The following TMEM184C variants were observed in gnomAD, a reference collection of about 807,000 sequenced individuals.
The protein encoded by TMEM184C is transmembrane protein 184C, also known as transmembrane protein 34.
In TMEM184C, 25 loss-of-function variants were observed where a neutral mutation model predicts 54.5. The ratio of observed to expected loss-of-function variants is 0.46; its 90% CI spans 0.33 to 0.64. The LOEUF (loss-of-function observed/expected upper bound fraction) is 0.64. Among genes scored for constraint, TMEM184C ranks in the 30% least tolerant of loss-of-function variants. The pLI is 0.02. For synonymous variants in TMEM184C, 148 were observed against 181.5 expected (o/e 0.82, Z 1.49); for missense variants, 335 against 520.3 (o/e 0.64, Z 3.46).
In TMEM184C at chr4:147,635,542, A is replaced by G. The variant is rs1733009268; in HGVS notation, c.*1108A>G. On this transcript the variant is annotated 3_prime_UTR_variant, in exon 10 of 10. Coordinates refer to ENST00000296582, the MANE Select transcript of TMEM184C (RefSeq NM_018241.3). Reference sequence around the variant, plus strand: ...ATGAAAATAAAACAGAAAGTGCCATAGTATGTTACAGAAAGCAAAGATGAG... The same window carrying G: ...ATGAAAATAAAACAGAAAGTGCCATGGTATGTTACAGAAAGCAAAGATGAG... 1 of 152,244 alleles carries G rather than the reference A, an allele frequency of 6.6e-6. No individual in the cohort carries two copies. The highest frequency in any genetic ancestry group is 1.5e-5 in the Non-Finnish European group (1 of 68,040). 9.4% of individuals were successfully genotyped at this position (152,244 alleles called of 1,614,324 possible). A position where few individuals can be genotyped will look rare whatever the true frequency, so the allele number is the denominator to read the frequency against.
chr4:147,634,055 C>T (rs989773777), intron 9 of TMEM184C, 114 bp from the exon 10 acceptor site: 55 of 1,510,022 alleles, frequency 3.6e-5, no homozygotes, highest in Admixed American at 2.8e-4. Flanking sequence ...TACCACAGTG[C>T]AGGCTCATCA....
In TMEM184C at chr4:147,629,662, T is replaced by C. The variant is rs1405162164; in HGVS notation, c.636T>C (p.Tyr212=). The C allele has an allele frequency of 5.0e-6, 8 of 1,594,702 alleles. No individual in the cohort carries two copies. Among genetic ancestry groups the C allele is most frequent in the Non-Finnish European group, 6.0e-6 (7 of 1,172,420 alleles). ...GNFSFSNAWT[Y]LVIINNMSQL... ...TTAGCTTTTCAAATGCTTGGACTTATTTGGTTATAATAAACAACATGTCAC... is the reference window on the plus strand; with the variant it reads ...TTAGCTTTTCAAATGCTTGGACTTACTTGGTTATAATAAACAACATGTCAC... The change falls in exon 6 of 10, where the codon TAT becomes TAC. Residue 212 remains tyrosine (Y), a synonymous_variant. Coordinates refer to ENST00000296582, the MANE Select transcript of TMEM184C (RefSeq NM_018241.3).
intron 3 of TMEM184C, 97 bp from the exon 4 acceptor site, chr4:147,624,707 C>G (rs1461828124): frequency 1.8e-6 from 2 of 1,126,714 alleles, no homozygotes; most frequent in Non-Finnish European, 2.6e-6. Context: ...CAAGACATCT[C>G]AAGCATAAAA....
intron 1 of TMEM184C, among the ~76,000 whole-genome samples, chr4:147,623,590 A>G (rs1250794101): frequency 6.6e-6 from 1 of 150,416 alleles, no homozygotes; most frequent in Non-Finnish European, 1.5e-5. Flanking sequence ...TCAAGGCAAG[A>G]TTACAAGTTA....
chr4:147,631,094 ATTTT>A (rs1732908868), intron 6 of TMEM184C, among the ~76,000 whole-genome samples: 1 of 152,066 alleles, frequency 6.6e-6, no homozygotes, highest in Non-Finnish European at 1.5e-5. Flanking sequence ...TTACAGATGG[ATTTT>A]TTTATTTTGG....
Position 147,634,088 on chromosome 4 carries a change from G to C in TMEM184C, c.1052-81G>C, listed in dbSNP as rs565075887. On this transcript the variant is annotated intron_variant, in intron 9 of 9. Transcript: ENST00000296582. ...TCAACTTTGGGGAGTGGGAGAGGGG[G>C]AAGTGGGGAGCTTATTTTTAGAATG... 5.5e-5 allele frequency: 84 copies of C among 1,537,670 alleles called. No homozygotes were observed. In the South Asian group the frequency reaches 6.7e-4, roughly 12 times the overall value.
chr4:147,634,728 C>CT lies in TMEM184C; in HGVS notation c.*306dup, dbSNP rs33965102. 113 of 184,882 alleles carry CT rather than the reference C, an allele frequency of 6.1e-4. No homozygotes were observed. The highest frequency in any genetic ancestry group is 4.2e-3 in the Middle Eastern group (2 of 476). 11.5% of individuals were successfully genotyped at this position (184,882 alleles called of 1,614,324 possible). A position where few individuals can be genotyped will look rare whatever the true frequency, so the allele number is the denominator to read the frequency against. On this transcript the variant is annotated 3_prime_UTR_variant, in exon 10 of 10. Transcript: ENST00000296582. ...TACACTGCTTTATCAAGAGGATGGA[C>CT]TTTTTTTTTTTTGAGACAGACAGAG...
intron 6 of TMEM184C, 67 bp downstream of exon 6, chr4:147,629,759 A>G (rs982014402): frequency 8.9e-7 from 1 of 1,119,036 alleles, no homozygotes; most frequent in African/African-American, 1.6e-5. Flanking sequence ...TTCTTTAGAC[A>G]AAGTTTCTTC....
At chr4:147,634,021 A>G in intron 9 of TMEM184C, 85 bp downstream of exon 9, 11 of 1,528,856 alleles carry the variant, frequency 7.2e-6, no homozygotes, top group Non-Finnish European at 8.8e-6. Context: ...ATCTATTTAG[A>G]GATGAAAAAA....
intron 7 of TMEM184C, 22 bp downstream of exon 7, chr4:147,631,527 A>C: frequency 5.1e-6 from 8 of 1,576,460 alleles, no homozygotes; most frequent in Non-Finnish European, 6.9e-6. Context: ...TTTTTTTTAA[A>C]TGTTCTCATT....
rs113375866 is a variant in TMEM184C, at chr4:147,629,820, T to G, written c.666+128T>G. On this transcript the variant is annotated intron_variant, in intron 6 of 9. Coordinates refer to ENST00000296582, the MANE Select transcript of TMEM184C (RefSeq NM_018241.3). Reference sequence around the variant, plus strand: ...ATCTTCCTATAAATTAAATCTGAAATTTAATTTATAGAAAGACTTGAAAAA... The same window carrying G: ...ATCTTCCTATAAATTAAATCTGAAAGTTAATTTATAGAAAGACTTGAAAAA... 4.6e-3 allele frequency: 2,254 copies of G among 486,436 alleles called. 49 individuals carry two copies. Among genetic ancestry groups the G allele is most frequent in the African/African-American group, 0.04 (1,969 of 49,412 alleles). 30.1% of individuals were successfully genotyped at this position (486,436 alleles called of 1,614,324 possible). A position where few individuals can be genotyped will look rare whatever the true frequency, so the allele number is the denominator to read the frequency against.
At chr4:147,633,598 G>A (rs1237718715) in intron 8 of TMEM184C, among the ~76,000 whole-genome samples, 167 bp from the exon 9 acceptor site, 1 of 151,930 alleles carries the variant, frequency 6.6e-6, no homozygotes, top group Non-Finnish European at 1.5e-5. Context: ...TTTTTTTGAA[G>A]GGGTCAAAAA....
At chr4:147,628,494 C>A (rs1320161288) in intron 5 of TMEM184C, 59 bp downstream of exon 5, 3 of 1,373,670 alleles carry the variant, frequency 2.2e-6, no homozygotes, top group African/African-American at 1.4e-5. Context: ...TATGTGGGAA[C>A]AACTAAGTAG....
chr4:147,621,981 TTTTC>T (rs1416740164), intron 1 of TMEM184C, among the ~76,000 whole-genome samples: 1 of 100,420 alleles, frequency 1.0e-5, no homozygotes, highest in African/African-American at 3.4e-5. Flanking sequence ...TTTTTTCTTT[TTTTC>T]TTTCTTTTTT....
rs779693151 is a variant in TMEM184C at position 147,633,932 on chromosome 4, T to A, written c.1047T>A (p.His349Gln). 6.2e-7 allele frequency: 1 copy of A among 1,611,744 alleles called. No individual in the cohort carries two copies. The highest frequency in any genetic ancestry group is 8.5e-7 in the Non-Finnish European group (1 of 1,179,020). Residue 349 changes from histidine to glutamine, a missense_variant, in exon 9 of 10, where the codon CAT becomes CAA. Transcript: ENST00000296582. Reference protein sequence around the residue: ...IRDDISEQVRHVGRTVRGHPR... With the variant: ...IRDDISEQVRQVGRTVRGHPR... The stretch of plus-strand genomic sequence containing the variant: ...ATGATATTTCTGAACAAGTAAGGCA[T>A]GTTGGTAAGTACCAGCTATTTAATT...
chr4:147,621,000 T>C (rs1732699040), intron 1 of TMEM184C, among the ~76,000 whole-genome samples: 1 of 152,202 alleles, frequency 6.6e-6, no homozygotes, highest in Admixed American at 6.5e-5. Flanking sequence ...AGAAATTTAT[T>C]TTCTCACAGT....
chr4:147,627,783 G>A (rs905129693), intron 4 of TMEM184C, among the ~76,000 whole-genome samples: 4 of 149,306 alleles, frequency 2.7e-5, no homozygotes, highest in Non-Finnish European at 5.9e-5. Context: ...TATAGTTCCA[G>A]CTACTCAGGA....
At chr4:147,631,664 A>G (rs1034052040) in intron 7 of TMEM184C, among the ~76,000 whole-genome samples, 159 bp downstream of exon 7, 12 of 152,204 alleles carry the variant, frequency 7.9e-5, no homozygotes, top group African/African-American at 2.9e-4. Context: ...ACAATTTTCA[A>G]AAGAAATAAT....
chr4:147,626,513 A>G (rs949783178), intron 4 of TMEM184C, among the ~76,000 whole-genome samples: 14 of 152,226 alleles, frequency 9.2e-5, no homozygotes, highest in Admixed American at 8.5e-4. Context: ...GACATACAAC[A>G]TAAGAATGGG....
Sources: gnomAD v4.1 joint callset for allele counts (sites outside exome capture counted in the v4.1 genomes callset) on GRCh38, gnomAD v4.1.1 for gene constraint, MANE v1.5 for transcripts, NCBI Gene and HGNC (gene_info 2026-07-23, HGNC 2026-07-21) for gene names.